ALDH1A2: variants seen among roughly 807,000 people sequenced by gnomAD.
ALDH1A2 encodes the protein retinal dehydrogenase 2.
Under a neutral mutation model 60.3 loss-of-function variants are expected in ALDH1A2, and 27 were observed. That is an observed-to-expected ratio of 0.45 (90% CI 0.33 to 0.62). The LOEUF is 0.62. Among genes scored for constraint, ALDH1A2 ranks in the 20% least tolerant of loss-of-function variants. The pLI is 0.02. For synonymous variants in ALDH1A2, 289 were observed against 232.4 expected, an observed-to-expected ratio of 1.24 and a Z score of -2.21; for missense variants, 581 against 643.8, an observed-to-expected ratio of 0.90 and a Z score of 1.06.
chr15:58,022,206 C>T (rs1358655843), intron 1 of ALDH1A2, among the ~76,000 whole-genome samples: 3 of 152,280 alleles, frequency 2.0e-5, no homozygotes, highest in Admixed American at 2.0e-4. Context: ...GTTCCCCATT[C>T]CCGAGACAGA....
intron 1 of ALDH1A2, among the ~76,000 whole-genome samples, chr15:58,016,549 CTTATTT>C (rs1214326003): frequency 6.6e-6 from 1 of 152,110 alleles, no homozygotes; most frequent in African/African-American, 2.4e-5. Context: ...GGAAAAAATA[CTTATTT>C]TTAGTAAGTT....
chr15:58,033,424 G>A (rs575768699), intron 1 of ALDH1A2, among the ~76,000 whole-genome samples: 1 of 151,596 alleles, frequency 6.6e-6, no homozygotes, highest in Admixed American at 6.6e-5. Flanking sequence ...GCCTTCTATT[G>A]GTTTGGAAGT....
At chr15:57,996,580 T>G (rs1484025116) in intron 4 of ALDH1A2, among the ~76,000 whole-genome samples, 2 of 151,698 alleles carry the variant, frequency 1.3e-5, no homozygotes, top group East Asian at 3.9e-4. Flanking sequence ...ATAAACAATG[T>G]TACTACTGTA....
intron 1 of ALDH1A2, among the ~76,000 whole-genome samples, chr15:58,014,895 G>A (rs747307927): frequency 2.0e-5 from 3 of 152,190 alleles, no homozygotes; most frequent in Non-Finnish European, 4.4e-5. Flanking sequence ...CAAGTGGGGT[G>A]TAATTTTCAA....
In ALDH1A2 at chr15:57,979,763, C is replaced by G. The variant is rs191159557; in HGVS notation, c.798+12942G>C. The G allele has an allele frequency of 2.5e-3, 668 of 262,320 alleles. 7 individuals carry two copies. Among genetic ancestry groups the G allele is most frequent in the Admixed American group, 0.019 (474 of 24,876 alleles). The allele number at this position is 262,320 out of a possible 1,614,324, so 16.2% of individuals were successfully genotyped here. A position where few individuals can be genotyped will look rare whatever the true frequency, so the allele number is the denominator to read the frequency against. ...TAGTAAGGGGGATATTCAGGGACCT[C>G]TCCTGGGCCCAGGCAGTTGCCAGCA... On this transcript the variant is annotated intron_variant, in intron 7 of 12. Coordinates refer to ENST00000249750, the MANE Select transcript of ALDH1A2 (RefSeq NM_003888.4).
At chr15:58,065,477 A>G (rs1380787632) in intron 1 of ALDH1A2, 57 bp downstream of exon 1, 8 of 1,428,708 alleles carry the variant, frequency 5.6e-6, no homozygotes, top group Middle Eastern at 1.7e-4. Flanking sequence ...AGATCGGGGA[A>G]ACCGAAGAAG....
chr15:58,059,422 A>G (rs1452163799), intron 1 of ALDH1A2, among the ~76,000 whole-genome samples: 3 of 152,220 alleles, frequency 2.0e-5, no homozygotes, highest in African/African-American at 7.2e-5. Flanking sequence ...TCCATATGTT[A>G]TCTTGGACAG....
chr15:57,974,478 T>C (rs892752886), intron 7 of ALDH1A2, among the ~76,000 whole-genome samples: 2 of 143,274 alleles, frequency 1.4e-5, no homozygotes, highest in African/African-American at 5.2e-5. Context: ...CATATAAATA[T>C]GGAAAATTTA....
At chr15:57,977,791 A>G (rs946643350) in intron 7 of ALDH1A2, among the ~76,000 whole-genome samples, 2 of 152,216 alleles carry the variant, frequency 1.3e-5, no homozygotes, top group Admixed American at 1.3e-4. Context: ...TTGAATTTAT[A>G]AATTACTTTG....
intron 1 of ALDH1A2, among the ~76,000 whole-genome samples, chr15:58,034,462 C>G (rs1459211291): frequency 2.0e-5 from 3 of 151,522 alleles, no homozygotes; most frequent in Admixed American, 6.6e-5. Flanking sequence ...TATACATTTT[C>G]TTTTCTTACT....
chr15:58,061,906 C>A (rs916947200), intron 1 of ALDH1A2, among the ~76,000 whole-genome samples: 1 of 152,030 alleles, frequency 6.6e-6, no homozygotes, highest in African/African-American at 2.4e-5. Flanking sequence ...TACTAACAAC[C>A]AATTTTTGGC....
At chr15:58,047,240 G>GT (rs1305140694) in intron 1 of ALDH1A2, among the ~76,000 whole-genome samples, 25 of 151,800 alleles carry the variant, frequency 1.6e-4, no homozygotes, top group Admixed American at 2.6e-4. Flanking sequence ...AAAACGTTTT[G>GT]TTTTTTTAAT....
At chr15:58,003,130 C>A (rs985486768) in intron 4 of ALDH1A2, among the ~76,000 whole-genome samples, 1 of 151,808 alleles carries the variant, frequency 6.6e-6, no homozygotes, top group African/African-American at 2.4e-5. Flanking sequence ...TTCTCTGGAC[C>A]TTCTCTGTAA....
intron 5 of ALDH1A2, among the ~76,000 whole-genome samples, chr15:57,993,440 T>G (rs1458896500): frequency 6.6e-6 from 1 of 152,242 alleles, no homozygotes; most frequent in Non-Finnish European, 1.5e-5. Context: ...CTGAGATTTT[T>G]ACATCACAAT....
intron 1 of ALDH1A2, among the ~76,000 whole-genome samples, chr15:58,027,953 G>C (rs1430469398): frequency 6.6e-6 from 1 of 152,142 alleles, no homozygotes; most frequent in African/African-American, 2.4e-5. Context: ...GGGGACAATG[G>C]AACCAAGTTA....
intron 1 of ALDH1A2, among the ~76,000 whole-genome samples, chr15:58,031,406 A>C (rs1315241359): frequency 6.6e-6 from 1 of 152,228 alleles, no homozygotes; most frequent in Non-Finnish European, 1.5e-5. Context: ...TAAAACCGTC[A>C]AAACCCTAGA....
At chr15:57,993,145 TCTC>T in intron 5 of ALDH1A2, 72 bp from the exon 6 acceptor site, 1 of 1,558,822 alleles carries the variant, frequency 6.4e-7, no homozygotes, top group Non-Finnish European at 8.7e-7. Context: ...AGCTGTGACT[TCTC>T]ATATTTCTCA....
At chr15:57,961,323 G>A in intron 10 of ALDH1A2, 29 bp from the exon 11 acceptor site, 2 of 1,611,198 alleles carry the variant, frequency 1.2e-6, no homozygotes, top group Non-Finnish European at 1.7e-6. Context: ...ACTCAACATG[G>A]TTGCTCTGTC....
intron 12 of ALDH1A2, among the ~76,000 whole-genome samples, chr15:57,959,331 G>A (rs1406933253): frequency 6.6e-6 from 1 of 152,066 alleles, no homozygotes; most frequent in Admixed American, 6.5e-5. Flanking sequence ...AGAAGGTGAA[G>A]GTCAAAAGCA....
Sources: gnomAD v4.1 joint callset for allele counts (sites outside exome capture counted in the v4.1 genomes callset) on GRCh38, gnomAD v4.1.1 for gene constraint, MANE v1.5 for transcripts, NCBI Gene and HGNC (gene_info 2026-07-23, HGNC 2026-07-21) for gene names.